EPHA5: variants seen among roughly 807,000 people sequenced by gnomAD.
EPHA5 encodes ephrin type-A receptor 5.
EPHA5 carries 60 observed loss-of-function variants against 105.0 expected under a neutral mutation model. The ratio of observed to expected loss-of-function variants is 0.57; its 90% CI spans 0.46 to 0.71. The LOEUF (loss-of-function observed/expected upper bound fraction) is 0.71. EPHA5 is among the 30% of genes least tolerant of loss of function. The probability of loss-of-function intolerance (pLI) is 0.00; values close to 1 mark genes in which losing one functional copy is unlikely to be tolerated. For synonymous variants in EPHA5, 513 were observed against 449.1 expected, an observed-to-expected ratio of 1.14 and a Z score of -1.80; for missense variants, 1,218 against 1,274.7, an observed-to-expected ratio of 0.96 and a Z score of 0.68.
At chr4:65,453,296 C>T (rs116442516) in intron 5 of EPHA5, among the ~76,000 whole-genome samples, 2 of 152,088 alleles carry the variant, frequency 1.3e-5, no homozygotes, top group African/African-American at 2.4e-5. Flanking sequence ...ATTTTGTAAA[C>T]ATGTTTTTAC....
intron 3 of EPHA5, among the ~76,000 whole-genome samples, chr4:65,545,174 A>G (rs1737253377): frequency 6.6e-6 from 1 of 151,942 alleles, no homozygotes; most frequent in Non-Finnish European, 1.5e-5. Flanking sequence ...GCTAACTGAA[A>G]GTAATATGAC....
intron 3 of EPHA5, among the ~76,000 whole-genome samples, chr4:65,522,439 A>G (rs953703987): frequency 2.6e-5 from 4 of 151,780 alleles, no homozygotes; most frequent in African/African-American, 9.7e-5. Context: ...GCACTCACAT[A>G]TAATTAAAAA....
intron 16 of EPHA5, among the ~76,000 whole-genome samples, chr4:65,327,322 A>T (rs1720176156): frequency 6.6e-6 from 1 of 151,242 alleles, no homozygotes; most frequent in African/African-American, 2.4e-5. Flanking sequence ...TTCAAGAACA[A>T]TTTATTATCT....
At chr4:65,333,741 T>C (rs895741786) in intron 15 of EPHA5, among the ~76,000 whole-genome samples, 3 of 151,030 alleles carry the variant, frequency 2.0e-5, no homozygotes, top group Non-Finnish European at 4.4e-5. Flanking sequence ...TTAAAAAGTA[T>C]CTACTTTTTA....
chr4:65,460,844 G>C (rs1425901739), intron 5 of EPHA5, among the ~76,000 whole-genome samples: 1 of 151,726 alleles, frequency 6.6e-6, no homozygotes, highest in Non-Finnish European at 1.5e-5. Context: ...AGGGGAGATA[G>C]AGAATTATTT....
chr4:65,511,345 G>C (rs1733610779), intron 3 of EPHA5, among the ~76,000 whole-genome samples: 1 of 152,146 alleles, frequency 6.6e-6, no homozygotes, highest in African/African-American at 2.4e-5. Flanking sequence ...ACACTTTCTA[G>C]GCGTGGACTA....
At chr4:65,591,549 T>C (rs1742656671) in intron 3 of EPHA5, among the ~76,000 whole-genome samples, 1 of 152,048 alleles carries the variant, frequency 6.6e-6, no homozygotes, top group African/African-American at 2.4e-5. Flanking sequence ...CATATATTTA[T>C]TTCATACTCC....
At chr4:65,343,670 C>T (rs927686509) in intron 14 of EPHA5, among the ~76,000 whole-genome samples, 1 of 152,034 alleles carries the variant, frequency 6.6e-6, no homozygotes, top group Non-Finnish European at 1.5e-5. Context: ...GAAATTAAGG[C>T]ATAGGAAATT....
chr4:65,388,061 T>C (rs1027846486), intron 8 of EPHA5, among the ~76,000 whole-genome samples: 41 of 148,578 alleles, frequency 2.8e-4, no homozygotes, highest in Non-Finnish European at 5.5e-4. Context: ...AGTGAGAGCA[T>C]GAGGTGTTTG....
At chr4:65,346,795 A>G (rs1722266257) in intron 14 of EPHA5, among the ~76,000 whole-genome samples, 1 of 152,204 alleles carries the variant, frequency 6.6e-6, no homozygotes, top group African/African-American at 2.4e-5. Context: ...AAAAAATCAA[A>G]CAACCCCATC....
At chr4:65,658,610 A>G (rs78652520) in intron 1 of EPHA5, among the ~76,000 whole-genome samples, 6,116 of 152,184 alleles carry the variant, frequency 0.04, 207 homozygotes, top group East Asian at 0.14. Flanking sequence ...TATGGAGCAC[A>G]TTATTAATAA....
rs1422519568 is a variant in EPHA5 at position 65,365,837 on chromosome 4, G to A, written c.1987+95C>T. ...CTTTGAATGCAAGCCAATTAGAAAA[G>A]ATTAAAAACATTCTCTGTTACATCA... On this transcript the variant is annotated intron_variant, in intron 10 of 16. Transcript: ENST00000613740. The A allele has an allele frequency of 2.3e-6, 3 of 1,292,514 alleles. No individual in the cohort carries two copies. The Admixed American group carries it at 5.8e-5, about 25-fold the overall frequency. The allele number at this position is 1,292,514 out of a possible 1,614,324, so 80.1% of individuals were successfully genotyped here. A position where few individuals can be genotyped will look rare whatever the true frequency, so the allele number is the denominator to read the frequency against.
intron 3 of EPHA5, among the ~76,000 whole-genome samples, chr4:65,554,168 A>G (rs903788253): frequency 2.0e-5 from 3 of 150,412 alleles, no homozygotes; most frequent in Non-Finnish European, 4.4e-5. Context: ...AAAAAAATTG[A>G]GAAACTTGTA....
chr4:65,647,855 T>C (rs10013129), intron 1 of EPHA5, among the ~76,000 whole-genome samples: 89,361 of 151,870 alleles, frequency 0.59, 26,426 homozygotes, highest in Middle Eastern at 0.69. Flanking sequence ...TTAAAGGGGT[T>C]AATGAATATG....
At chr4:65,417,502 G>A (rs769448273) in intron 6 of EPHA5, among the ~76,000 whole-genome samples, 6 of 152,034 alleles carry the variant, frequency 3.9e-5, no homozygotes, top group Non-Finnish European at 7.3e-5. Flanking sequence ...GGAAAACACT[G>A]ACCAAAATAA....
intron 8 of EPHA5, among the ~76,000 whole-genome samples, chr4:65,378,443 TTAA>T (rs1482732559): frequency 1.3e-5 from 2 of 152,006 alleles, no homozygotes; most frequent in African/African-American, 4.8e-5. Flanking sequence ...ACCTGTTGCA[TTAA>T]TGTCTCCAAC....
At chr4:65,661,016 A>G (rs1749512856) in intron 1 of EPHA5, among the ~76,000 whole-genome samples, 1 of 151,966 alleles carries the variant, frequency 6.6e-6, no homozygotes, top group Admixed American at 6.6e-5. Flanking sequence ...CTCCTCTACA[A>G]CCTATATTTG....
At chr4:65,524,822 G>T (rs1373666792) in intron 3 of EPHA5, among the ~76,000 whole-genome samples, 2 of 151,686 alleles carry the variant, frequency 1.3e-5, no homozygotes, top group Non-Finnish European at 3.0e-5. Context: ...TTGTATGGCA[G>T]CTGAAACCTG....
chr4:65,576,000 G>GAA (rs565281266), intron 3 of EPHA5, among the ~76,000 whole-genome samples: 586 of 29,352 alleles, frequency 0.02, 34 homozygotes, highest in Middle Eastern at 0.038. Context: ...GAGAGAGAGA[G>GAA]AGAAAGAAAG....
Sources: allele counts gnomAD v4.1 joint callset (sites outside exome capture counted in the v4.1 genomes callset), GRCh38; gene constraint gnomAD v4.1.1; transcripts MANE v1.5; gene names NCBI Gene and HGNC (gene_info 2026-07-23, HGNC 2026-07-21).